The following NTN1 variants were observed in gnomAD, a reference collection of about 807,000 sequenced individuals.
NTN1 encodes netrin-1.
A neutral mutation model predicts 54.2 loss-of-function variants in NTN1; 11 were observed. The ratio of observed to expected loss-of-function variants is 0.20; its 90% CI spans 0.13 to 0.34. The LOEUF is 0.34. Ranked by LOEUF, NTN1 falls within the 10% of genes least tolerant of loss-of-function variation. NTN1 has a pLI of 1.00. For synonymous variants in NTN1, 371 were observed against 382.0 expected, an observed-to-expected ratio of 0.97 and a Z score of 0.33; for missense variants, 740 against 893.1, an observed-to-expected ratio of 0.83 and a Z score of 2.18.
At chr17:9,094,941 AT>A in intron 2 of NTN1, among the ~76,000 whole-genome samples, 1 of 144,410 alleles carries the variant, frequency 6.9e-6, no homozygotes, top group East Asian at 2.1e-4. Flanking sequence ...GTGAGCTGAG[AT>A]CATGCCACTG....
intron 6 of NTN1, among the ~76,000 whole-genome samples, chr17:9,234,963 G>GTTTT (rs1229784959): frequency 4.5e-5 from 3 of 67,406 alleles, no homozygotes; most frequent in Admixed American, 1.7e-4. Context: ...TTTGTTTTTT[G>GTTTT]GTTTTTTTTT....
chr17:9,106,875 AT>A (rs1399811237), intron 2 of NTN1, among the ~76,000 whole-genome samples: 1 of 151,952 alleles, frequency 6.6e-6, no homozygotes, highest in African/African-American at 2.4e-5. Context: ...CATCATCATC[AT>A]CACAGCACAG....
In NTN1 at chr17:9,115,322, G is replaced by T. The variant is rs147154479; in HGVS notation, c.1019-47491G>T. On this transcript the variant is annotated intron_variant, in intron 2 of 6. Coordinates refer to ENST00000173229, the MANE Select transcript of NTN1 (RefSeq NM_004822.3). ...TGGGGTGAGCAAATAGGCAATGGAG[G>T]TGGTTTTGAGGTGTTCACCAAAGAC... 4.3e-3 allele frequency among the ~76,000 whole-genome samples: 651 copies of T among 152,326 alleles called. 18 individuals carry two copies. The highest frequency in any genetic ancestry group is 0.04 in the Admixed American group (610 of 15,294).
chr17:9,092,120 C>T (rs7226297), intron 2 of NTN1, among the ~76,000 whole-genome samples: 1,700 of 151,910 alleles, frequency 0.011, 36 homozygotes, highest in African/African-American at 0.039. Flanking sequence ...AAACTCCCGA[C>T]CTCAAGTGAT....
Position 9,240,058 on chromosome 17 carries a change from C to T in NTN1, c.*90C>T, listed in dbSNP as rs1906146918. 2 of 441,232 alleles carry T rather than the reference C, an allele frequency of 4.5e-6. No individual in the cohort carries two copies. Among genetic ancestry groups the T allele is most frequent in the South Asian group, 1.0e-4 (1 of 9,686 alleles). 27.3% of individuals were successfully genotyped at this position (441,232 alleles called of 1,614,324 possible). A position where few individuals can be genotyped will look rare whatever the true frequency, so the allele number is the denominator to read the frequency against. On this transcript the variant is annotated 3_prime_UTR_variant, in exon 7 of 7. Coordinates refer to ENST00000173229, the MANE Select transcript of NTN1 (RefSeq NM_004822.3). ...TGGCCCGGCCGCCGCGGACTTGGCCCGCGAGGGCTTTCCCAGGTGGGGGGA... is the reference window on the plus strand; with the variant it reads ...TGGCCCGGCCGCCGCGGACTTGGCCTGCGAGGGCTTTCCCAGGTGGGGGGA...
intron 2 of NTN1, among the ~76,000 whole-genome samples, chr17:9,057,147 G>T (rs993032423): frequency 9.7e-6 from 1 of 103,290 alleles, no homozygotes; most frequent in South Asian, 3.4e-4. Context: ...CCCTCACCCC[G>T]CAGAGCCCTG....
At chr17:9,191,374 C>T (rs1294933633) in intron 5 of NTN1, among the ~76,000 whole-genome samples, 2 of 152,142 alleles carry the variant, frequency 1.3e-5, no homozygotes, top group Admixed American at 6.5e-5. Context: ...GCAGGAGAAT[C>T]GCTTGAACCT....
intron 2 of NTN1, among the ~76,000 whole-genome samples, chr17:9,026,397 G>A (rs539661346): frequency 4.7e-5 from 7 of 150,222 alleles, no homozygotes; most frequent in South Asian, 2.1e-4. Flanking sequence ...CTTCCGGGGG[G>A]GGGGAACAAA....
chr17:9,023,084 G>C lies in NTN1; in HGVS notation c.711G>C (p.Val237=), dbSNP rs774141266. The C allele has an allele frequency of 5.7e-6, 9 of 1,572,636 alleles. No homozygotes were observed. The East Asian group carries it at 9.4e-5, about 16-fold the overall frequency. ...CGCACGACTTCGACAACTCGCCCGT[G>C]CTGCAGGACTGGGTCACGGCCACAG... ...PSAHDFDNSP[V]LQDWVTATDI... is the part of the protein sequence containing the mutation. The change falls in exon 2 of 7, where the codon GTG becomes GTC. Residue 237 remains valine (V), a synonymous_variant. Transcript: ENST00000173229.
At chr17:9,094,805 A>G (rs1237043261) in intron 2 of NTN1, among the ~76,000 whole-genome samples, 3 of 152,094 alleles carry the variant, frequency 2.0e-5, no homozygotes, top group Non-Finnish European at 4.4e-5. Context: ...CCTGGCCAAC[A>G]TGGTGAAACC....
chr17:9,053,647 A>G (rs1248743485), intron 2 of NTN1, among the ~76,000 whole-genome samples: 3 of 152,236 alleles, frequency 2.0e-5, no homozygotes, highest in African/African-American at 7.2e-5. Context: ...ATGCTGGCAC[A>G]TTGCAGATGC....
At chr17:9,003,614 G>T in the NTN1 span, among the ~76,000 whole-genome samples, 1 of 147,774 alleles carries the variant, frequency 6.8e-6, no homozygotes, top group Non-Finnish European at 1.5e-5. The surrounding 1 kb of genome is among the most constrained non-coding windows in gnomAD (Gnocchi z 7.4). Flanking sequence ...CCCGCGCCCC[G>T]GGCCACCCCG....
chr17:9,179,357 C>T (rs752893856), intron 3 of NTN1, among the ~76,000 whole-genome samples: 6 of 152,314 alleles, frequency 3.9e-5, no homozygotes, highest in African/African-American at 7.2e-5. Flanking sequence ...CCCACTCCTC[C>T]CATGCCCTGG....
chr17:9,230,296 G>A (rs1250211329), intron 6 of NTN1, among the ~76,000 whole-genome samples: 2 of 152,152 alleles, frequency 1.3e-5, no homozygotes, highest in East Asian at 3.9e-4. Context: ...TGTGATGGCT[G>A]CGAAAGGCCA....
intron 2 of NTN1, among the ~76,000 whole-genome samples, chr17:9,114,272 G>C (rs34136310): frequency 0.18 from 26,346 of 147,164 alleles, 2,656 homozygotes; most frequent in Non-Finnish European, 0.22. Flanking sequence ...TAAGTATGAC[G>C]GGTCTGATAC....
At chr17:9,034,879 T>C (rs2151511102) in intron 2 of NTN1, among the ~76,000 whole-genome samples, 1 of 152,330 alleles carries the variant, frequency 6.6e-6, no homozygotes, top group East Asian at 1.9e-4. Flanking sequence ...AGCTGACCTG[T>C]GCGTCCACCC....
rs34188198 is a variant in NTN1, at chr17:9,114,166, A to AATATATATAT, written c.1019-48636_1019-48627dup. Among the ~76,000 whole-genome samples, 116 of 74,578 alleles carry AATATATATAT rather than the reference A, an allele frequency of 1.6e-3. 1 individual carries two copies. The highest frequency in any genetic ancestry group is 6.3e-3 in the African/African-American group (108 of 17,142). 48.9% of individuals were successfully genotyped at this position (74,578 alleles called of 152,430 possible). ...GCCAAAAAAAAAGAAAAAAAAAAAAAATATATATATATATATATATGATTC... is the reference window on the plus strand; with the variant it reads ...GCCAAAAAAAAAGAAAAAAAAAAAAAATATATATATATATATATATATATATATATGATTC... On this transcript the variant is annotated intron_variant, in intron 2 of 6. Transcript: ENST00000173229.
intron 2 of NTN1, among the ~76,000 whole-genome samples, chr17:9,107,014 C>T (rs2092169770): frequency 6.6e-6 from 1 of 152,144 alleles, no homozygotes; most frequent in Non-Finnish European, 1.5e-5. Flanking sequence ...AGATAATGTA[C>T]TCGTGGTCCC....
chr17:9,052,949 T>C (rs768905779), intron 2 of NTN1, among the ~76,000 whole-genome samples: 2 of 152,228 alleles, frequency 1.3e-5, no homozygotes, highest in Non-Finnish European at 1.5e-5. Flanking sequence ...TGAAATAGCA[T>C]TGGTTTCAGG....
Sources: allele counts gnomAD v4.1 joint callset (sites outside exome capture counted in the v4.1 genomes callset), GRCh38; gene constraint gnomAD v4.1.1; non-coding constraint Gnocchi (gnomAD v3.1); transcripts MANE v1.5; gene names NCBI Gene and HGNC (gene_info 2026-07-23, HGNC 2026-07-21).